Variants in EDAR observed in about 807,000 individuals in gnomAD.
EDAR encodes tumor necrosis factor receptor superfamily member EDAR.
A neutral mutation model predicts 51.3 loss-of-function variants in EDAR; 38 were observed. The observed-to-expected ratio is 0.74, with a 90% CI of 0.57 to 0.97. EDAR has a LOEUF of 0.97. EDAR is among the 50% of genes least tolerant of loss of function. The pLI is 0.00. For synonymous variants in EDAR, 227 were observed against 242.1 expected, an observed-to-expected ratio of 0.94 and a Z score of 0.58; for missense variants, 528 against 595.0, an observed-to-expected ratio of 0.89 and a Z score of 1.17.
intron 1 of EDAR, among the ~76,000 whole-genome samples, chr2:108,961,319 T>C (rs892498830): frequency 6.6e-6 from 1 of 152,158 alleles, no homozygotes; most frequent in Admixed American, 6.5e-5. Context: ...CCTGGAGGCC[T>C]CTGCCCCCAG....
At chr2:108,983,735 A>C (rs1184316033) in intron 1 of EDAR, among the ~76,000 whole-genome samples, 1 of 152,238 alleles carries the variant, frequency 6.6e-6, no homozygotes, top group Non-Finnish European at 1.5e-5. Flanking sequence ...GGGGCAGGGA[A>C]GCCACCTTCT....
intron 1 of EDAR, among the ~76,000 whole-genome samples, chr2:108,957,677 G>A (rs780496819): frequency 2.0e-5 from 3 of 152,220 alleles, no homozygotes; most frequent in Admixed American, 2.0e-4. Flanking sequence ...ACTATTTGAT[G>A]TCCAAACCCC....
chr2:108,946,518 C>A (rs898845633), intron 1 of EDAR, among the ~76,000 whole-genome samples: 2 of 152,198 alleles, frequency 1.3e-5, no homozygotes, highest in Non-Finnish European at 2.9e-5. Flanking sequence ...TATATTAGTC[C>A]ATTCTCCCAT....
chr2:108,897,480 T>C (rs529215204), intron 11 of EDAR, among the ~76,000 whole-genome samples: 1 of 152,262 alleles, frequency 6.6e-6, no homozygotes, highest in East Asian at 1.9e-4. Flanking sequence ...GGAAAATGAC[T>C]GCTATATTGA....
chr2:108,938,947 T>G (rs1204130552), intron 1 of EDAR, among the ~76,000 whole-genome samples: 2 of 151,744 alleles, frequency 1.3e-5, no homozygotes, highest in Non-Finnish European at 2.9e-5. Flanking sequence ...ATCCAACTAA[T>G]TTTTGTATTT....
intron 1 of EDAR, among the ~76,000 whole-genome samples, chr2:108,967,114 T>C (rs550497266): frequency 3.0e-4 from 45 of 152,316 alleles, no homozygotes; most frequent in African/African-American, 1.1e-3. Flanking sequence ...TTTGTATTTT[T>C]AGTAGAGACG....
chr2:108,930,521 C>T (rs1697347787), intron 2 of EDAR, among the ~76,000 whole-genome samples: 1 of 152,158 alleles, frequency 6.6e-6, no homozygotes, highest in South Asian at 2.1e-4. Flanking sequence ...CTGAGTTCTC[C>T]TCATCAACGC....
chr2:108,979,945 T>G (rs531891974), intron 1 of EDAR, among the ~76,000 whole-genome samples: 2 of 151,956 alleles, frequency 1.3e-5, no homozygotes, highest in Non-Finnish European at 2.9e-5. Flanking sequence ...TTATCCTGGC[T>G]GAGATGAGGT....
chr2:108,956,892 G>A (rs1409712058), intron 1 of EDAR, among the ~76,000 whole-genome samples: 2 of 151,976 alleles, frequency 1.3e-5, no homozygotes, highest in Non-Finnish European at 2.9e-5. Context: ...AGGTTCAAGC[G>A]GTTCTCCTGC....
chr2:108,916,006 C>G (rs1697022302), intron 5 of EDAR, among the ~76,000 whole-genome samples: 1 of 152,204 alleles, frequency 6.6e-6, no homozygotes, highest in Admixed American at 6.5e-5. Context: ...TTCCCCCTCA[C>G]AGACCTTACT....
chr2:108,978,985 G>A (rs376004722), intron 1 of EDAR, among the ~76,000 whole-genome samples: 3 of 152,202 alleles, frequency 2.0e-5, no homozygotes, highest in Non-Finnish European at 2.9e-5. Flanking sequence ...GGGGCAGGAG[G>A]GGGTGTAGTG....
At chr2:108,936,331 C>T (rs1697467938) in intron 1 of EDAR, among the ~76,000 whole-genome samples, 2 of 152,244 alleles carry the variant, frequency 1.3e-5, no homozygotes, top group African/African-American at 4.8e-5. Context: ...CCCAGCAGGG[C>T]TTGCCACGCC....
chr2:108,897,990 C>T (rs1696631895), intron 11 of EDAR, among the ~76,000 whole-genome samples: 1 of 152,046 alleles, frequency 6.6e-6, no homozygotes, highest in African/African-American at 2.4e-5. Flanking sequence ...AGACATGGGG[C>T]AGAAAAGTCC....
chr2:108,919,086 C>A (rs1301278511), intron 5 of EDAR, among the ~76,000 whole-genome samples: 1 of 152,146 alleles, frequency 6.6e-6, no homozygotes, highest in Admixed American at 6.5e-5. Flanking sequence ...TGTGTGCAGT[C>A]AGGTCTGAGA....
intron 1 of EDAR, among the ~76,000 whole-genome samples, chr2:108,949,620 C>T (rs1168729082): frequency 3.3e-5 from 5 of 152,188 alleles, no homozygotes; most frequent in Admixed American, 3.3e-4. Context: ...AGATTTCTCC[C>T]TCTTGCTCAT....
At chr2:108,941,346 T>G (rs1219992952) in intron 1 of EDAR, among the ~76,000 whole-genome samples, 1 of 152,198 alleles carries the variant, frequency 6.6e-6, no homozygotes, top group Non-Finnish European at 1.5e-5. Flanking sequence ...TGAGGCAGGT[T>G]CCCAAAGGGG....
intron 1 of EDAR, among the ~76,000 whole-genome samples, chr2:108,934,247 G>A (rs998812086): frequency 2.0e-5 from 3 of 152,214 alleles, no homozygotes; most frequent in East Asian, 3.9e-4. Flanking sequence ...GGGGTCTGGG[G>A]GAGGGGAGCA....
intron 1 of EDAR, among the ~76,000 whole-genome samples, chr2:108,949,585 CT>C (rs200353676): frequency 4.0e-5 from 6 of 151,558 alleles, no homozygotes; most frequent in East Asian, 3.9e-4. Flanking sequence ...ATCATAAAAT[CT>C]TTTTTTTTCC....
chr2:108,914,691 G>A (rs2105410791), intron 5 of EDAR, among the ~76,000 whole-genome samples: 1 of 152,334 alleles, frequency 6.6e-6, no homozygotes, highest in African/African-American at 2.4e-5. Flanking sequence ...TGCTTCAAAT[G>A]CATCTCCCAC....
Sources: gnomAD v4.1 joint callset for allele counts (sites outside exome capture counted in the v4.1 genomes callset) on GRCh38, gnomAD v4.1.1 for gene constraint, MANE v1.5 for transcripts, NCBI Gene and HGNC (gene_info 2026-07-23, HGNC 2026-07-21) for gene names.